The following PARD3B variants were observed in gnomAD, a reference collection of about 807,000 sequenced individuals.
PARD3B encodes partitioning defective 3 homolog B.
Under a neutral mutation model 130.2 loss-of-function variants are expected in PARD3B, and 103 were observed. The ratio of observed to expected loss-of-function variants is 0.79; its 90% confidence interval spans 0.67 to 0.93. The LOEUF (loss-of-function observed/expected upper bound fraction) is 0.93, where lower values mean the gene tolerates loss of function less well. PARD3B is among the 40% of genes least tolerant of loss of function. The pLI is 0.00. For synonymous variants in PARD3B, 583 were observed against 553.2 expected (o/e 1.05, Z -0.76); for missense variants, 1,609 against 1,499.2 (o/e 1.07, Z -1.21).
chr2:204,962,170 T>A (rs1690797051), intron 2 of PARD3B, among the ~76,000 whole-genome samples: 1 of 152,112 alleles, frequency 6.6e-6, no homozygotes, highest in Admixed American at 6.6e-5. Flanking sequence ...TGTAAACAGA[T>A]CATTTTGGAT....
chr2:205,218,417 T>G (rs1047795969), intron 15 of PARD3B, among the ~76,000 whole-genome samples: 2 of 152,216 alleles, frequency 1.3e-5, no homozygotes, highest in Non-Finnish European at 2.9e-5. Context: ...AATGGAAGCT[T>G]ATGCCAATTT....
intron 2 of PARD3B, among the ~76,000 whole-genome samples, chr2:204,919,965 C>T (rs926738554): frequency 6.6e-6 from 1 of 151,876 alleles, no homozygotes; most frequent in Non-Finnish European, 1.5e-5. Flanking sequence ...TAGACAGACA[C>T]ATGAATTTCT....
At chr2:205,306,399 G>A (rs1921805) in intron 18 of PARD3B, among the ~76,000 whole-genome samples, 84,760 of 151,974 alleles carry the variant, frequency 0.56, 27,324 homozygotes, top group South Asian at 0.75. Flanking sequence ...AGGTGTTAAC[G>A]AAAAACACTA....
intron 18 of PARD3B, among the ~76,000 whole-genome samples, chr2:205,329,400 A>G (rs2043036933): frequency 6.6e-6 from 1 of 152,244 alleles, no homozygotes; most frequent in Non-Finnish European, 1.5e-5. Flanking sequence ...GAATTATCAC[A>G]TATGGTAAGA....
At chr2:204,621,603 A>G (rs2034305138) in intron 1 of PARD3B, among the ~76,000 whole-genome samples, 1 of 152,204 alleles carries the variant, frequency 6.6e-6, no homozygotes, top group Non-Finnish European at 1.5e-5. Flanking sequence ...GAAATTTCTT[A>G]TAAATAAAGC....
chr2:204,810,263 C>T (rs2042917930), intron 2 of PARD3B, among the ~76,000 whole-genome samples: 1 of 151,944 alleles, frequency 6.6e-6, no homozygotes, highest in African/African-American at 2.4e-5. Context: ...TAGCTGTGGC[C>T]AGAACTTCCC....
chr2:204,740,496 T>C (rs2039964778), intron 2 of PARD3B, among the ~76,000 whole-genome samples: 1 of 152,184 alleles, frequency 6.6e-6, no homozygotes, highest in Non-Finnish European at 1.5e-5. Context: ...GATTCTGCAG[T>C]TTAGGAATTT....
rs2033178214 is a variant in PARD3B, at chr2:204,593,926, A to G, written c.120+47807A>G. Among the ~76,000 whole-genome samples, 2 of 152,180 alleles carry G rather than the reference A, an allele frequency of 1.3e-5. 1 individual carries two copies. Among genetic ancestry groups the G allele is most frequent in the Admixed American group, 1.3e-4 (2 of 15,276 alleles). On this transcript the variant is annotated intron_variant, in intron 1 of 22. Transcript: ENST00000406610. The stretch of plus-strand genomic sequence containing the variant: ...ACAACCTTACTGAAAATGTACACTA[A>G]GGAGTTCCACAGTTGTGTCTTGACT...
rs903726396 is a variant in PARD3B, at chr2:205,091,977, T to C, written c.505-12449T>C. On this transcript the variant is annotated intron_variant, in intron 4 of 22. Transcript: ENST00000406610. This position sits in a 1 kb window ranked among gnomAD's most constrained non-coding sequence, Gnocchi z 4.2. ...CCCTGTTATTTCTCATTTGATGATA[T>C]AGTTTTGTTGAATAATGAGCGTTAC... 2.0e-5 allele frequency among the ~76,000 whole-genome samples: 3 copies of C among 152,196 alleles called. No homozygotes were observed. The highest frequency in any genetic ancestry group is 1.9e-4 in the East Asian group (1 of 5,198).
chr2:204,590,083 C>A (rs1395608287), intron 1 of PARD3B, among the ~76,000 whole-genome samples: 1 of 152,058 alleles, frequency 6.6e-6, no homozygotes, highest in Non-Finnish European at 1.5e-5. Flanking sequence ...AACAAATATG[C>A]CATTATTATC....
intron 2 of PARD3B, among the ~76,000 whole-genome samples, chr2:204,911,293 A>G (rs2047226192): frequency 6.6e-6 from 1 of 152,196 alleles, no homozygotes; most frequent in Admixed American, 6.5e-5. Context: ...AAGCTTAAAT[A>G]ATTCAATACG....
At chr2:204,614,879 G>A (rs2034053322) in intron 1 of PARD3B, among the ~76,000 whole-genome samples, 1 of 152,120 alleles carries the variant, frequency 6.6e-6, no homozygotes, top group Non-Finnish European at 1.5e-5. Context: ...ATATCCTGCA[G>A]AACCATGAGC....
At chr2:204,650,318 C>G (rs2035434102) in intron 1 of PARD3B, among the ~76,000 whole-genome samples, 1 of 152,122 alleles carries the variant, frequency 6.6e-6, no homozygotes, top group South Asian at 2.1e-4. Flanking sequence ...ACTGGTTCAA[C>G]CATTGTGGAA....
chr2:205,426,495 T>C (rs1039069799), intron 19 of PARD3B, among the ~76,000 whole-genome samples: 2 of 152,234 alleles, frequency 1.3e-5, no homozygotes, highest in African/African-American at 4.8e-5. Flanking sequence ...TTATAATCTC[T>C]TTTAATGATA....
intron 22 of PARD3B, among the ~76,000 whole-genome samples, chr2:205,600,566 G>A (rs929160619): frequency 7.2e-5 from 11 of 152,248 alleles, no homozygotes; most frequent in African/African-American, 1.7e-4. Context: ...ACAGGTAAAC[G>A]TGTGCTATGG....
intron 2 of PARD3B, among the ~76,000 whole-genome samples, chr2:204,730,407 G>A (rs2039453828): frequency 6.6e-6 from 1 of 152,008 alleles, no homozygotes; most frequent in Admixed American, 6.6e-5. Flanking sequence ...ATACTGCTCT[G>A]TAAGCAGATT....
chr2:205,156,191 T>C (rs1432171533), intron 10 of PARD3B, among the ~76,000 whole-genome samples: 3 of 140,682 alleles, frequency 2.1e-5, no homozygotes, highest in Non-Finnish European at 4.5e-5. Flanking sequence ...ATGTTCTCAC[T>C]CATAGGTGGG....
At chr2:204,797,460 G>A (rs1258359086) in intron 2 of PARD3B, among the ~76,000 whole-genome samples, 4 of 152,068 alleles carry the variant, frequency 2.6e-5, no homozygotes, top group African/African-American at 9.7e-5. Context: ...AGCTAAACAT[G>A]TCTTATTTTC....
chr2:204,860,580 G>A (rs989570557), intron 2 of PARD3B, among the ~76,000 whole-genome samples: 1 of 152,176 alleles, frequency 6.6e-6, no homozygotes, highest in Non-Finnish European at 1.5e-5. Context: ...TTGGCAGAAT[G>A]GAGACTGGTA....
Sources: gnomAD v4.1 joint callset for allele counts (sites outside exome capture counted in the v4.1 genomes callset) on GRCh38, gnomAD v4.1.1 for gene constraint, Gnocchi (gnomAD v3.1) non-coding constraint, MANE v1.5 for transcripts, NCBI Gene and HGNC (gene_info 2026-07-23, HGNC 2026-07-21) for gene names.